The following PRKN variants were observed in gnomAD, a reference collection of about 807,000 sequenced individuals.
The protein encoded by PRKN is E3 ubiquitin-protein ligase parkin.
A neutral mutation model predicts 59.5 loss-of-function variants in PRKN; 56 were observed. That is an observed-to-expected ratio of 0.94 (90% CI 0.76 to 1.18). The LOEUF (loss-of-function observed/expected upper bound fraction) is 1.18. Ranked by LOEUF, PRKN falls within the 50% of genes most tolerant of loss-of-function variation. PRKN has a pLI of 0.00. For missense variants in PRKN, 657 were observed against 596.4 expected (o/e 1.10, Z -1.06); for synonymous variants, 250 against 222.1 (o/e 1.13, Z -1.12).
At chr6:162,293,536 G>A (rs548205445) in intron 2 of PRKN, among the ~76,000 whole-genome samples, 137 of 152,276 alleles carry the variant, frequency 9.0e-4, no homozygotes, top group Non-Finnish European at 1.2e-3. Context: ...GGAGATCACC[G>A]CCCTGGAGAG....
rs146262004 is a variant in PRKN, at chr6:161,929,929, T to C, written c.734+43373A>G. Among the ~76,000 whole-genome samples the C allele has an allele frequency of 1.0e-3, 153 of 152,330 alleles. 1 individual carries two copies. The highest frequency in any genetic ancestry group is 3.5e-3 in the African/African-American group (145 of 41,570). ...GAAATAATGGGATTCCTTGTTTTCA[T>C]AATTGAATAAACAAGGAAGGTGTTC... On this transcript the variant is annotated intron_variant, in intron 6 of 11. Transcript: ENST00000366898.
chr6:161,511,029 G>GA (rs1164954175), intron 9 of PRKN, among the ~76,000 whole-genome samples: 5 of 152,184 alleles, frequency 3.3e-5, no homozygotes, highest in South Asian at 4.1e-4. Context: ...GTTTGCTATA[G>GA]AAAATGAAGT....
At chr6:162,542,029 G>A (rs1206668343) in intron 1 of PRKN, among the ~76,000 whole-genome samples, 1 of 152,050 alleles carries the variant, frequency 6.6e-6, no homozygotes, top group East Asian at 1.9e-4. Context: ...TTAAGGTGAA[G>A]GTCAAGTCAA....
chr6:161,587,580 T>G (rs994463366), intron 7 of PRKN, among the ~76,000 whole-genome samples: 4 of 152,158 alleles, frequency 2.6e-5, no homozygotes, highest in African/African-American at 9.7e-5. Context: ...GAAATAAGTT[T>G]GATCATTCTT....
intron 1 of PRKN, among the ~76,000 whole-genome samples, chr6:162,531,027 G>C (rs1419588874): frequency 7.1e-6 from 1 of 140,720 alleles, no homozygotes; most frequent in African/African-American, 2.6e-5. Flanking sequence ...ACTGCACTCC[G>C]GCCTGGGTAA....
At chr6:162,569,056 C>T (rs1780204724) in intron 1 of PRKN, 3 of 685,442 alleles carry the variant, frequency 4.4e-6, no homozygotes, top group South Asian at 3.2e-5. Context: ...CTGTCCAGGA[C>T]AACAGCCACT....
rs991838786 is a variant in PRKN at position 161,396,474 on chromosome 6, A to G, written c.1084-9597T>C. On this transcript the variant is annotated intron_variant, in intron 9 of 11. Coordinates refer to ENST00000366898, the MANE Select transcript of PRKN (RefSeq NM_004562.3). The surrounding 1 kb of genome is among the most constrained non-coding windows in gnomAD (Gnocchi z 5.4). ...TCTAGAACTGGAGCACTGGTCACAG[A>G]GTATCAAATTCAATGCCACTTTCAA... Among the ~76,000 whole-genome samples the G allele has an allele frequency of 6.6e-6, 1 of 152,222 alleles. No homozygotes were observed. The highest frequency in any genetic ancestry group is 1.5e-5 in the Non-Finnish European group (1 of 68,042).
chr6:161,652,603 G>A (rs754010906), intron 7 of PRKN, among the ~76,000 whole-genome samples: 6 of 152,074 alleles, frequency 3.9e-5, no homozygotes, highest in African/African-American at 1.4e-4. Context: ...TAAGTTATTT[G>A]TTCTTATTAT....
At chr6:161,558,037 C>T (rs13206828) in intron 8 of PRKN, among the ~76,000 whole-genome samples, 1 of 152,200 alleles carries the variant, frequency 6.6e-6, no homozygotes, top group African/African-American at 2.4e-5. Flanking sequence ...CTTCTGTTCA[C>T]TGAGCTACTG....
chr6:162,672,542 C>T (rs1219603425), intron 1 of PRKN, among the ~76,000 whole-genome samples: 1 of 152,102 alleles, frequency 6.6e-6, no homozygotes, highest in East Asian at 1.9e-4. Flanking sequence ...TAAGGTTAAT[C>T]ATTAAAACTG....
At chr6:162,564,870 GA>G (rs36063884) in intron 1 of PRKN, among the ~76,000 whole-genome samples, 65,734 of 119,008 alleles carry the variant, frequency 0.55, 15,084 homozygotes, top group East Asian at 0.71. Context: ...ACTTCAATCA[GA>G]AAAAAAAAAA....
intron 7 of PRKN, among the ~76,000 whole-genome samples, chr6:161,715,270 T>A (rs1786925934): frequency 6.6e-6 from 1 of 152,144 alleles, no homozygotes; most frequent in Non-Finnish European, 1.5e-5. Context: ...AAATATAATT[T>A]GAATCAGAGA....
chr6:162,118,004 G>A (rs1029995224), intron 4 of PRKN, among the ~76,000 whole-genome samples: 1 of 152,148 alleles, frequency 6.6e-6, no homozygotes, highest in African/African-American at 2.4e-5. Flanking sequence ...GCTGAGGCAG[G>A]AGAATTGCTT....
rs183740300 is a variant in PRKN, at chr6:161,447,754, A to C, written c.1084-60877T>G. Reference sequence around the variant, plus strand: ...ATGATCAGCCCGCCTCGGCCTCCCAATGTGCTGGGATTACAGGTATGAGCC... The same window carrying C: ...ATGATCAGCCCGCCTCGGCCTCCCACTGTGCTGGGATTACAGGTATGAGCC... On this transcript the variant is annotated intron_variant, in intron 9 of 11. Transcript: ENST00000366898. This position sits in a 1 kb window ranked among gnomAD's most constrained non-coding sequence, Gnocchi z 4.1. Among the ~76,000 whole-genome samples, 511 of 152,228 alleles carry C rather than the reference A, an allele frequency of 3.4e-3. 3 individuals are homozygous for C. The highest frequency in any genetic ancestry group is 0.012 in the African/African-American group (492 of 41,522).
At position 161,463,344 on chromosome 6, in the gene PRKN, C is replaced by T. The variant is rs1238821669; in HGVS notation, c.1084-76467G>A. Among the ~76,000 whole-genome samples, 6 of 152,186 alleles carry T rather than the reference C, an allele frequency of 3.9e-5. No individual in the cohort carries two copies. Among genetic ancestry groups the T allele is most frequent in the Non-Finnish European group, 7.4e-5 (5 of 68,024 alleles). ...GACTGTTTGGTTCTACCTGGCTTAT[C>T]CTTACTGATCCTGCCTAACTGGCTC... On this transcript the variant is annotated intron_variant, in intron 9 of 11. Transcript: ENST00000366898. This position sits in a 1 kb window ranked among gnomAD's most constrained non-coding sequence, Gnocchi z 4.8.
At chr6:162,316,937 T>A (rs892715126) in intron 2 of PRKN, among the ~76,000 whole-genome samples, 3 of 152,096 alleles carry the variant, frequency 2.0e-5, no homozygotes, top group African/African-American at 7.2e-5. Context: ...TCACTTTTGA[T>A]AGGGGTGCTC....
intron 1 of PRKN, among the ~76,000 whole-genome samples, chr6:162,722,931 C>T (rs1778989974): frequency 1.3e-5 from 2 of 152,100 alleles, no homozygotes; most frequent in Non-Finnish European, 2.9e-5. Context: ...TTAGTAGAGC[C>T]TATTTTTGAC....
Position 161,395,462 on chromosome 6 carries a change from T to C in PRKN, c.1084-8585A>G, listed in dbSNP as rs1400850233. ...CCCGCTCTTCAGGTCATTTCACACA[T>C]GTGAAAGGAAATCTGTAGCAGAAAT... On this transcript the variant is annotated intron_variant, in intron 9 of 11. Transcript: ENST00000366898. This position sits in a 1 kb window ranked among gnomAD's most constrained non-coding sequence, Gnocchi z 5.0. Among the ~76,000 whole-genome samples, 1 of 152,266 alleles carries C rather than the reference T, an allele frequency of 6.6e-6. No individual in the cohort carries two copies. The highest frequency in any genetic ancestry group is 1.9e-4 in the East Asian group (1 of 5,174).
chr6:161,809,654 T>C (rs1791480944), intron 6 of PRKN, among the ~76,000 whole-genome samples: 1 of 152,190 alleles, frequency 6.6e-6, no homozygotes, highest in Admixed American at 6.5e-5. Context: ...ACTAAAAATA[T>C]AAATCATTCC....
Sources: allele counts gnomAD v4.1 joint callset (sites outside exome capture counted in the v4.1 genomes callset), GRCh38; gene constraint gnomAD v4.1.1; non-coding constraint Gnocchi (gnomAD v3.1); transcripts MANE v1.5; gene names NCBI Gene and HGNC (gene_info 2026-07-23, HGNC 2026-07-21).